Variants in CNTNAP2 observed in about 807,000 individuals in gnomAD.
CNTNAP2 encodes the protein contactin associated protein 2, also known as contactin-associated protein-like 2.
Under a neutral mutation model 155.2 loss-of-function variants are expected in CNTNAP2, and 98 were observed. The observed-to-expected ratio is 0.63, with a 90% CI of 0.54 to 0.75. CNTNAP2 has a LOEUF of 0.75. CNTNAP2 is among the 30% of genes least tolerant of loss of function. CNTNAP2 has a pLI of 0.00. For synonymous variants in CNTNAP2, 651 were observed against 631.2 expected (o/e 1.03, Z -0.47); for missense variants, 1,727 against 1,688.1 (o/e 1.02, Z -0.40).
At chr7:146,417,907 C>T (rs913828797) in intron 1 of CNTNAP2, among the ~76,000 whole-genome samples, 1 of 150,872 alleles carries the variant, frequency 6.6e-6, no homozygotes, top group Non-Finnish European at 1.5e-5. Context: ...GTATGAGGCA[C>T]CAAATGCCAC....
chr7:148,012,930 T>A (rs1201031156), intron 15 of CNTNAP2, among the ~76,000 whole-genome samples: 1 of 152,092 alleles, frequency 6.6e-6, no homozygotes, highest in East Asian at 1.9e-4. Context: ...GTGAGAGAAA[T>A]TTTAATTTTC....
chr7:146,276,098 C>T (rs953706148), intron 1 of CNTNAP2, among the ~76,000 whole-genome samples: 5 of 152,134 alleles, frequency 3.3e-5, no homozygotes, highest in African/African-American at 1.2e-4. Flanking sequence ...GAGACTAGTA[C>T]GTGAACCAGA....
At chr7:147,506,396 C>G (rs940580429) in intron 11 of CNTNAP2, among the ~76,000 whole-genome samples, 13 of 152,130 alleles carry the variant, frequency 8.5e-5, no homozygotes, top group Admixed American at 2.6e-4. Flanking sequence ...GCTGGGATTA[C>G]AGGCATGCAC....
intron 10 of CNTNAP2, among the ~76,000 whole-genome samples, chr7:147,460,955 G>C (rs917127): frequency 0.18 from 27,233 of 152,148 alleles, 2,667 homozygotes; most frequent in East Asian, 0.36. Context: ...TGGGAGAGTA[G>C]AACTTTTTTT....
chr7:147,104,226 A>G (rs932068566), intron 4 of CNTNAP2, among the ~76,000 whole-genome samples: 2 of 152,074 alleles, frequency 1.3e-5, no homozygotes, highest in Non-Finnish European at 2.9e-5. Context: ...CAAAATAAAA[A>G]GTTTGTGAAA....
intron 6 of CNTNAP2, among the ~76,000 whole-genome samples, chr7:147,125,198 G>A (rs1195972007): frequency 6.6e-6 from 1 of 151,898 alleles, no homozygotes; most frequent in Non-Finnish European, 1.5e-5. Flanking sequence ...TGTATTTTTA[G>A]TATAGATGGG....
At chr7:146,611,090 G>A (rs553879867) in intron 1 of CNTNAP2, among the ~76,000 whole-genome samples, 28 of 152,254 alleles carry the variant, frequency 1.8e-4, no homozygotes, top group African/African-American at 6.3e-4. Flanking sequence ...AAGCAAAGCC[G>A]TTTATGTATT....
At chr7:147,523,965 T>C (rs1448948191) in intron 11 of CNTNAP2, among the ~76,000 whole-genome samples, 6 of 152,226 alleles carry the variant, frequency 3.9e-5, no homozygotes, top group African/African-American at 1.2e-4. Context: ...GTTTGGGAAC[T>C]TGATATTTAA....
intron 3 of CNTNAP2, among the ~76,000 whole-genome samples, chr7:147,025,851 GT>G (rs750325755): frequency 0.17 from 22,919 of 134,872 alleles, 1,786 homozygotes; most frequent in East Asian, 0.22. Flanking sequence ...TGTTGCTGTT[GT>G]TTTTTTTTTT....
At position 148,229,703 on chromosome 7, in the gene CNTNAP2, T is replaced by C. The variant is rs111599875; in HGVS notation, c.3305T>C (p.Val1102Ala). The C allele has an allele frequency of 4.0e-4, 648 of 1,614,116 alleles. 5 individuals carry two copies. The African/African-American group carries it at 7.9e-3, about 20-fold the overall frequency. ...ACCCGAGAGCCATACAATATTGACG[T>C]AGACCACAGGAACATGGCCAATGGA... ...GGTREPYNID[V>A]DHRNMANGQP... is the part of the protein sequence containing the mutation. Residue 1102 changes from valine (V) to alanine (A), a missense_variant, in exon 20 of 24, where the codon GTA (valine) becomes GCA (alanine). Transcript: ENST00000361727.
chr7:146,254,555 A>G (rs944784280), intron 1 of CNTNAP2, among the ~76,000 whole-genome samples: 1 of 152,248 alleles, frequency 6.6e-6, no homozygotes, highest in Admixed American at 6.5e-5. Context: ...AGAAGTGTTC[A>G]GGTAAATAAA....
intron 1 of CNTNAP2, among the ~76,000 whole-genome samples, chr7:146,650,535 G>C (rs555707371): frequency 6.6e-6 from 1 of 151,912 alleles, no homozygotes; most frequent in African/African-American, 2.4e-5. Flanking sequence ...ACACACTGGG[G>C]CCTGTTGCGG....
At chr7:146,974,189 T>G (rs1797860571) in intron 3 of CNTNAP2, among the ~76,000 whole-genome samples, 1 of 152,048 alleles carries the variant, frequency 6.6e-6, no homozygotes, top group Admixed American at 6.6e-5. Flanking sequence ...AAAAATCAGT[T>G]ACTTGGGCTG....
At position 146,864,950 on chromosome 7, in the gene CNTNAP2, A is replaced by G. The variant is rs140745632; in HGVS notation, c.402+25046A>G. Among the ~76,000 whole-genome samples the G allele has an allele frequency of 9.6e-4, 137 of 143,202 alleles. 1 individual carries two copies. In the Middle Eastern group the frequency reaches 0.011, roughly 12 times the overall value. 93.9% of individuals were successfully genotyped at this position (143,202 alleles called of 152,430 possible). A position where few individuals can be genotyped will look rare whatever the true frequency, so the allele number is the denominator to read the frequency against. ...GAGTTCAAGGTTGCAGTGAGGTATG[A>G]TCTTACCACCACACTCCAGTCTGAG... On this transcript the variant is annotated intron_variant, in intron 3 of 23. Coordinates refer to ENST00000361727, the MANE Select transcript of CNTNAP2 (RefSeq NM_014141.6).
intron 8 of CNTNAP2, among the ~76,000 whole-genome samples, chr7:147,244,199 A>C (rs1289689177): frequency 6.6e-6 from 1 of 152,172 alleles, no homozygotes; most frequent in East Asian, 1.9e-4. Flanking sequence ...ATACAAAGTT[A>C]TCTGATACAC....
chr7:146,128,157 T>A (rs545737434), intron 1 of CNTNAP2, among the ~76,000 whole-genome samples: 1 of 152,290 alleles, frequency 6.6e-6, no homozygotes, highest in African/African-American at 2.4e-5. Flanking sequence ...ACAATCTGCA[T>A]GAGCAGAGCC....
chr7:146,618,065 AC>A (rs1229444424), intron 1 of CNTNAP2, among the ~76,000 whole-genome samples: 3 of 152,104 alleles, frequency 2.0e-5, no homozygotes, highest in Admixed American at 6.6e-5. Context: ...AGTAATAAAA[AC>A]CCTTTAGGAA....
At chr7:147,186,007 A>G (rs1233391195) in intron 8 of CNTNAP2, among the ~76,000 whole-genome samples, 1 of 152,230 alleles carries the variant, frequency 6.6e-6, no homozygotes, top group African/African-American at 2.4e-5. Flanking sequence ...CTGTGAGTCC[A>G]TCAAACTCTT....
intron 10 of CNTNAP2, among the ~76,000 whole-genome samples, chr7:147,443,798 A>T (rs544325835): frequency 1.6e-4 from 24 of 152,354 alleles, no homozygotes; most frequent in African/African-American, 5.8e-4. Flanking sequence ...CCAATCCTAA[A>T]ACATTAAAAA....
Sources: gnomAD v4.1 joint callset for allele counts (sites outside exome capture counted in the v4.1 genomes callset) on GRCh38, gnomAD v4.1.1 for gene constraint, MANE v1.5 for transcripts, NCBI Gene and HGNC (gene_info 2026-07-23, HGNC 2026-07-21) for gene names.